The following PACSIN1 variants were observed in gnomAD, a reference collection of about 807,000 sequenced individuals.
PACSIN1 encodes the protein protein kinase C and casein kinase substrate in neurons protein 1.
Under a neutral mutation model 59.5 loss-of-function variants are expected in PACSIN1, and 15 were observed. That is an observed-to-expected ratio of 0.25 (90% CI 0.17 to 0.39). PACSIN1 has a LOEUF of 0.39. Among genes scored for constraint, PACSIN1 ranks in the 10% least tolerant of loss-of-function variants. The pLI is 1.00. For missense variants in PACSIN1, 420 were observed against 580.2 expected (o/e 0.72, Z 2.84); for synonymous variants, 210 against 220.6 (o/e 0.95, Z 0.42).
chr6:34,472,492 A>G (rs910584116), intron 1 of PACSIN1, among the ~76,000 whole-genome samples: 1 of 152,160 alleles, frequency 6.6e-6, no homozygotes, highest in African/African-American at 2.4e-5. Flanking sequence ...TTTGCATTTT[A>G]TAAACAAATA....
Position 34,530,123 on chromosome 6 carries a change from C to A in PACSIN1, c.789-120C>A. ...TTATTCTTGCAAAGCCCACATGATT[C>A]CTGGCTGGGCAGCATGCCCAGCACC... On this transcript the variant is annotated intron_variant, in intron 6 of 9. Coordinates refer to ENST00000244458, the MANE Select transcript of PACSIN1 (RefSeq NM_020804.5). The surrounding 1 kb of genome is among the most constrained non-coding windows in gnomAD (Gnocchi z 4.4). 1.5e-6 allele frequency: 2 copies of A among 1,355,342 alleles called. No individual in the cohort carries two copies. The highest frequency in any genetic ancestry group is 2.0e-6 in the Non-Finnish European group (2 of 1,009,046). 84.0% of individuals were successfully genotyped at this position (1,355,342 alleles called of 1,614,324 possible).
intron 1 of PACSIN1, among the ~76,000 whole-genome samples, chr6:34,513,830 G>A (rs565327144): frequency 6.6e-6 from 1 of 152,248 alleles, no homozygotes; most frequent in African/African-American, 2.4e-5. Flanking sequence ...CCCAGGTGGG[G>A]CGGAGCAGAC....
intron 1 of PACSIN1, among the ~76,000 whole-genome samples, chr6:34,505,449 C>T (rs1767096903): frequency 6.6e-6 from 1 of 151,118 alleles, no homozygotes; most frequent in Admixed American, 6.7e-5. Flanking sequence ...TTCTCCCCTT[C>T]CTCTTGGACT....
chr6:34,522,008 C>T (rs986553524), intron 1 of PACSIN1, among the ~76,000 whole-genome samples: 5 of 152,298 alleles, frequency 3.3e-5, no homozygotes, highest in Middle Eastern at 3.4e-3. Context: ...CCTGTAGCTG[C>T]GCGATCTTGG....
intron 1 of PACSIN1, among the ~76,000 whole-genome samples, chr6:34,513,289 G>A (rs138136061): frequency 0.017 from 2,516 of 152,306 alleles, 34 homozygotes; most frequent in Non-Finnish European, 0.027. Context: ...TGATGAATAC[G>A]GAAGAGCTAT....
chr6:34,509,531 T>C (rs919260409), intron 1 of PACSIN1, among the ~76,000 whole-genome samples: 1 of 152,198 alleles, frequency 6.6e-6, no homozygotes, highest in Non-Finnish European at 1.5e-5. Context: ...CTTCTCAATA[T>C]TTTTTGGCTA....
rs1215428649 is a variant in PACSIN1 at position 34,515,984 on chromosome 6, G to A, written c.-63-10259G>A. Among the ~76,000 whole-genome samples, 1 of 152,142 alleles carries A rather than the reference G, an allele frequency of 6.6e-6. No homozygotes were observed. The highest frequency in any genetic ancestry group is 2.4e-5 in the African/African-American group (1 of 41,424). ...TGGAGGGGGCCCACAGGAGTTCACGGTGGGGCACACCTGGTCCAGTTTTGC... is the reference window on the plus strand; with the variant it reads ...TGGAGGGGGCCCACAGGAGTTCACGATGGGGCACACCTGGTCCAGTTTTGC... On this transcript the variant is annotated intron_variant, in intron 1 of 9. Coordinates refer to ENST00000244458, the MANE Select transcript of PACSIN1 (RefSeq NM_020804.5). The surrounding 1 kb of genome is among the most constrained non-coding windows in gnomAD (Gnocchi z 4.4).
At chr6:34,528,234 C>G (rs1767523898) in intron 3 of PACSIN1, among the ~76,000 whole-genome samples, 1 of 152,254 alleles carries the variant, frequency 6.6e-6, no homozygotes, top group South Asian at 2.1e-4. Flanking sequence ...CCCCAGTGGC[C>G]TCTTGGCATC....
At position 34,485,655 on chromosome 6, in the gene PACSIN1, C is replaced by G. The variant is rs552765841; in HGVS notation, c.-64+19385C>G. Among the ~76,000 whole-genome samples the G allele has an allele frequency of 3.7e-4, 57 of 152,252 alleles. 1 individual carries two copies. The South Asian group carries it at 0.01, about 27-fold the overall frequency. ...TTGTGAGGCTGGAGTTCAGGGGACTCTAAGGCCACGGCCCCGATGAGATCC... is the reference window on the plus strand; with the variant it reads ...TTGTGAGGCTGGAGTTCAGGGGACTGTAAGGCCACGGCCCCGATGAGATCC... On this transcript the variant is annotated intron_variant, in intron 1 of 9. Transcript: ENST00000244458.
At chr6:34,502,747 T>C (rs902418476) in intron 1 of PACSIN1, among the ~76,000 whole-genome samples, 2 of 152,106 alleles carry the variant, frequency 1.3e-5, no homozygotes, top group Non-Finnish European at 2.9e-5. Context: ...ATCACAGGCG[T>C]GAGCCACCGC....
At chr6:34,479,474 T>A (rs1766685420) in intron 1 of PACSIN1, among the ~76,000 whole-genome samples, 1 of 152,238 alleles carries the variant, frequency 6.6e-6, no homozygotes, top group East Asian at 1.9e-4. Context: ...AGACAGGGTC[T>A]TGCTCAGGCT....
rs771352515 is a variant in PACSIN1 at position 34,528,747 on chromosome 6, A to G, written c.326A>G (p.Asp109Gly). The G allele has an allele frequency of 6.2e-7, 1 of 1,614,122 alleles. No individual in the cohort carries two copies. Among genetic ancestry groups the G allele is most frequent in the Non-Finnish European group, 8.5e-7 (1 of 1,180,022 alleles). Reference protein sequence around the residue: ...QEVKNNLLNEDLEKVKNWQKD... With the variant: ...QEVKNNLLNEGLEKVKNWQKD... ...GTGAAGAACAATCTGCTGAATGAGG[A>G]CCTGGAGAAGGTGAAGAACTGGCAG... The change falls in exon 4 of 10, where the codon GAC becomes GGC. Residue 109 changes from aspartate to glycine, a missense_variant. Coordinates refer to ENST00000244458, the MANE Select transcript of PACSIN1 (RefSeq NM_020804.5).
intron 1 of PACSIN1, among the ~76,000 whole-genome samples, chr6:34,508,646 A>G (rs939850341): frequency 6.6e-6 from 1 of 152,170 alleles, no homozygotes; most frequent in Non-Finnish European, 1.5e-5. Flanking sequence ...ACAGGGCACA[A>G]GTGTTCAAAT....
chr6:34,511,130 C>T (rs1162909399), intron 1 of PACSIN1, among the ~76,000 whole-genome samples: 1 of 152,172 alleles, frequency 6.6e-6, no homozygotes, highest in African/African-American at 2.4e-5. Flanking sequence ...CGTGTTCCAC[C>T]CTAGAGCAGT....
At chr6:34,527,127 C>T (rs954381084) in intron 2 of PACSIN1, among the ~76,000 whole-genome samples, 13 of 142,138 alleles carry the variant, frequency 9.1e-5, no homozygotes, top group East Asian at 4.3e-4. Context: ...GGGCCTGAGG[C>T]AGGGTGCTGG....
intron 1 of PACSIN1, among the ~76,000 whole-genome samples, chr6:34,472,063 G>C (rs1030949707): frequency 3.3e-5 from 5 of 151,938 alleles, no homozygotes; most frequent in Non-Finnish European, 7.4e-5. Context: ...TCAAGGTCAG[G>C]AGTTCGAGAC....
intron 1 of PACSIN1, among the ~76,000 whole-genome samples, chr6:34,504,487 C>T (rs1223457296): frequency 3.9e-5 from 6 of 152,008 alleles, no homozygotes; most frequent in South Asian, 4.2e-4. Flanking sequence ...GACAGGGTTT[C>T]GCCCTGTTGG....
At chr6:34,487,511 AAGGTTTGGATGCAGG>A (rs1033086711) in intron 1 of PACSIN1, among the ~76,000 whole-genome samples, 8 of 152,186 alleles carry the variant, frequency 5.3e-5, no homozygotes, top group South Asian at 2.1e-4. Context: ...CTCTGAGCTG[AAGGTTTGGATGCAGG>A]AGGTTTGGAT....
intron 1 of PACSIN1, among the ~76,000 whole-genome samples, chr6:34,476,890 G>A (rs570058345): frequency 1.2e-4 from 18 of 152,340 alleles, no homozygotes; most frequent in Admixed American, 3.3e-4. Context: ...CCTGAGGAAT[G>A]TAAGGGTGGA....
Sources: allele counts gnomAD v4.1 joint callset (sites outside exome capture counted in the v4.1 genomes callset), GRCh38; gene constraint gnomAD v4.1.1; non-coding constraint Gnocchi (gnomAD v3.1); transcripts MANE v1.5; gene names NCBI Gene and HGNC (gene_info 2026-07-23, HGNC 2026-07-21).